Variants in IFT57 observed in about 807,000 individuals in gnomAD.
IFT57 encodes the protein intraflagellar transport protein 57 homolog.
Under a neutral mutation model 56.8 loss-of-function variants are expected in IFT57, and 59 were observed. That is an observed-to-expected ratio of 1.04 (90% CI 0.84 to 1.29). The LOEUF (loss-of-function observed/expected upper bound fraction) is 1.29, where lower values mean the gene tolerates loss of function less well. IFT57 is among the 50% of genes most tolerant of loss of function. The pLI is 0.00. For missense variants in IFT57, 470 were observed against 522.1 expected, an observed-to-expected ratio of 0.90 and a Z score of 0.97; for synonymous variants, 209 against 186.1, an observed-to-expected ratio of 1.12 and a Z score of -1.00.
chr3:108,218,718 A>T, intron 2 of IFT57, 65 bp from the exon 3 acceptor site: 1 of 708,762 alleles, frequency 1.4e-6, no homozygotes, highest in South Asian at 2.2e-5. Flanking sequence ...AAATATTTTA[A>T]GCAAAGAACT....
chr3:108,202,660 T>A (rs1032462788), intron 5 of IFT57, among the ~76,000 whole-genome samples: 2 of 152,154 alleles, frequency 1.3e-5, no homozygotes, highest in Admixed American at 1.3e-4. Context: ...ATTCAAGTAA[T>A]TAAATTACAA....
intron 3 of IFT57, among the ~76,000 whole-genome samples, chr3:108,217,692 G>A (rs2080380180): frequency 6.6e-6 from 1 of 150,400 alleles, no homozygotes; most frequent in East Asian, 1.9e-4. Flanking sequence ...ATGTGTGTGT[G>A]TGTATATAAT....
At chr3:108,171,552 C>T (rs1054198837) in intron 6 of IFT57, among the ~76,000 whole-genome samples, 8 of 151,708 alleles carry the variant, frequency 5.3e-5, no homozygotes, top group Admixed American at 2.6e-4. Context: ...TCTAGTGTAA[C>T]GTTTTCATTT....
chr3:108,185,551 A>ATTTTTT (rs1179200943), intron 6 of IFT57, among the ~76,000 whole-genome samples: 4 of 87,320 alleles, frequency 4.6e-5, no homozygotes, highest in African/African-American at 4.8e-5. Flanking sequence ...GAGCACTAGG[A>ATTTTTT]TTTTTTTTTT....
In IFT57 at chr3:108,167,773, AC is replaced by A. The variant is rs1199471831; in HGVS notation, c.849+19del. 6.8e-7 allele frequency: 1 copy of A among 1,478,570 alleles called. No individual in the cohort carries two copies. The highest frequency in any genetic ancestry group is 1.3e-5 in the South Asian group (1 of 77,746). 91.6% of individuals were successfully genotyped at this position (1,478,570 alleles called of 1,614,324 possible). On this transcript the variant is annotated intron_variant, in intron 7 of 10. Transcript: ENST00000264538. ...CAGATGAGTAAATGTACATTGATTC[AC>A]GTAAAGTAATTCATATACCTTGGTC...
intron 6 of IFT57, among the ~76,000 whole-genome samples, chr3:108,189,976 T>G (rs2080205985): frequency 6.6e-6 from 1 of 152,050 alleles, no homozygotes; most frequent in Admixed American, 6.6e-5. Context: ...CTCATTGTCT[T>G]CATGTGGAGT....
intron 5 of IFT57, among the ~76,000 whole-genome samples, chr3:108,205,795 A>G (rs2080306165): frequency 7.4e-6 from 1 of 135,084 alleles, no homozygotes; most frequent in South Asian, 2.2e-4. Context: ...ATTATATAAT[A>G]TACAAAATAT....
intron 6 of IFT57, among the ~76,000 whole-genome samples, chr3:108,180,277 T>C (rs528235327): frequency 6.6e-6 from 1 of 152,088 alleles, no homozygotes; most frequent in African/African-American, 2.4e-5. Flanking sequence ...AACACCCCTT[T>C]CATATGGCCA....
At chr3:108,188,223 G>T (rs2080195642) in intron 6 of IFT57, among the ~76,000 whole-genome samples, 1 of 152,162 alleles carries the variant, frequency 6.6e-6, no homozygotes, top group South Asian at 2.1e-4. Flanking sequence ...TTCTGGAGGA[G>T]AATGAGTCTG....
intron 9 of IFT57, among the ~76,000 whole-genome samples, chr3:108,164,104 AT>A (rs753023276): frequency 3.3e-5 from 5 of 152,066 alleles, no homozygotes; most frequent in Non-Finnish European, 5.9e-5. Context: ...TCCTGAAGAG[AT>A]TTTAGATTTC....
At chr3:108,206,503 T>A (rs1025387421) in intron 5 of IFT57, 125 bp downstream of exon 5, 6 of 393,730 alleles carry the variant, frequency 1.5e-5, no homozygotes, top group Admixed American at 3.6e-5. Flanking sequence ...GGAAAGCAAT[T>A]TTGAGAGCTA....
At chr3:108,167,247 A>G (rs1376051740) in intron 7 of IFT57, 1 of 345,140 alleles carries the variant, frequency 2.9e-6, no homozygotes, top group African/African-American at 2.1e-5. Context: ...TTATGTGACT[A>G]TAATTAGCAT....
chr3:108,218,675 A>T, intron 2 of IFT57, 22 bp from the exon 3 acceptor site: 1 of 1,259,910 alleles, frequency 7.9e-7, no homozygotes, highest in Non-Finnish European at 1.1e-6. Context: ...AAGAAAAAAC[A>T]GGGTATTATT....
At position 108,172,703 on chromosome 3, in the gene IFT57, G is replaced by A. The variant is rs1439783084; in HGVS notation, c.778-4839C>T. 2.0e-5 allele frequency among the ~76,000 whole-genome samples: 3 copies of A among 151,862 alleles called. No individual in the cohort carries two copies. The East Asian group carries it at 5.8e-4, about 29-fold the overall frequency. Reference sequence around the variant, plus strand: ...GACTAAAGTGAAGTACGCATATGGGGTGACTGAAGTGAAGGTGGGGTAGTA... The same window carrying A: ...GACTAAAGTGAAGTACGCATATGGGATGACTGAAGTGAAGGTGGGGTAGTA... On this transcript the variant is annotated intron_variant, in intron 6 of 10. Transcript: ENST00000264538.
In IFT57 at chr3:108,171,132, C is replaced by G. The variant is rs9878738; in HGVS notation, c.778-3268G>C. Reference sequence around the variant, plus strand: ...TACCTATTATTTAACTTTGAAATGGCCTAGTGACTGCAGGGTAAGAAACTG... The same window carrying G: ...TACCTATTATTTAACTTTGAAATGGGCTAGTGACTGCAGGGTAAGAAACTG... On this transcript the variant is annotated intron_variant, in intron 6 of 10. Coordinates refer to ENST00000264538, the MANE Select transcript of IFT57 (RefSeq NM_018010.4). Among the ~76,000 whole-genome samples the G allele has an allele frequency of 4.6e-3, 702 of 151,864 alleles. 3 individuals are homozygous for G. Among genetic ancestry groups the G allele is most frequent in the African/African-American group, 0.016 (665 of 41,448 alleles).
chr3:108,210,586 G>C (rs2108325897), intron 4 of IFT57, among the ~76,000 whole-genome samples: 1 of 152,010 alleles, frequency 6.6e-6, no homozygotes, highest in Admixed American at 6.6e-5. Flanking sequence ...GCCCACCCCA[G>C]CCTCCCAAAG....
At position 108,162,670 on chromosome 3, in the gene IFT57, T is replaced by C. The variant is rs1445168609; in HGVS notation, c.1112-15A>G. On this transcript the variant is annotated splice_polypyrimidine_tract_variant and intron_variant, in intron 10 of 10. Transcript: ENST00000264538. Reference sequence around the variant, plus strand: ...CACCAAAGGAGCTGCAGAATGAAAATAACATGAAATAAAAATGTTCATTTG... The same window carrying C: ...CACCAAAGGAGCTGCAGAATGAAAACAACATGAAATAAAAATGTTCATTTG... 1.9e-6 allele frequency: 3 copies of C among 1,560,330 alleles called. No individual in the cohort carries two copies. The highest frequency in any genetic ancestry group is 1.2e-5 in the South Asian group (1 of 84,286).
intron 5 of IFT57, among the ~76,000 whole-genome samples, chr3:108,194,412 A>G (rs2080232212): frequency 6.6e-6 from 1 of 152,292 alleles, no homozygotes; most frequent in East Asian, 1.9e-4. Context: ...TAAACTGTCC[A>G]TACTACCCAA....
chr3:108,172,645 T>G (rs765038501), intron 6 of IFT57, among the ~76,000 whole-genome samples: 1 of 151,730 alleles, frequency 6.6e-6, no homozygotes, highest in African/African-American at 2.4e-5. Flanking sequence ...TCAAGGGACA[T>G]TGTAGAGGCA....
Sources: gnomAD v4.1 joint callset for allele counts (sites outside exome capture counted in the v4.1 genomes callset) on GRCh38, gnomAD v4.1.1 for gene constraint, MANE v1.5 for transcripts, NCBI Gene and HGNC (gene_info 2026-07-23, HGNC 2026-07-21) for gene names.